Variants in TNR observed in about 807,000 individuals in gnomAD.
The protein encoded by TNR is tenascin-R.
A neutral mutation model predicts 150.4 loss-of-function variants in TNR; 45 were observed. The observed-to-expected ratio is 0.30, with a 90% confidence interval of 0.24 to 0.38. The LOEUF (loss-of-function observed/expected upper bound fraction) is 0.38. TNR is among the 10% of genes least tolerant of loss of function. TNR has a pLI of 1.00. For synonymous variants in TNR, 687 were observed against 678.4 expected, an observed-to-expected ratio of 1.01 and a Z score of -0.20; for missense variants, 1,544 against 1,759.1, an observed-to-expected ratio of 0.88 and a Z score of 2.19.
intron 1 of TNR, among the ~76,000 whole-genome samples, chr1:175,656,851 G>T (rs746604919): frequency 3.3e-5 from 5 of 152,182 alleles, no homozygotes; most frequent in Non-Finnish European, 5.9e-5. Context: ...TGTGCATGTT[G>T]TGTGTAAAAG....
chr1:175,673,756 G>A (rs1665774206), intron 1 of TNR, among the ~76,000 whole-genome samples: 1 of 152,250 alleles, frequency 6.6e-6, no homozygotes, highest in Non-Finnish European at 1.5e-5. Context: ...GTACGGGAGG[G>A]TAGAATTAGA....
intron 21 of TNR, among the ~76,000 whole-genome samples, chr1:175,329,483 G>T (rs889665040): frequency 6.6e-6 from 1 of 152,196 alleles, no homozygotes; most frequent in African/African-American, 2.4e-5. Context: ...GCGGAGGAAT[G>T]AAAAGAAACA....
intron 2 of TNR, among the ~76,000 whole-genome samples, chr1:175,414,035 A>C (rs1370539079): frequency 6.6e-6 from 1 of 152,146 alleles, no homozygotes. Context: ...TGGGAGGCTG[A>C]GGTGGGAAGG....
chr1:175,316,589 T>A lies in TNR; in HGVS notation c.*6768A>T, dbSNP rs569894288. 2.6e-5 allele frequency: 4 copies of A among 152,080 alleles called. No homozygotes were observed. Among genetic ancestry groups the A allele is most frequent in the Non-Finnish European group, 5.9e-5 (4 of 68,030 alleles). The allele number at this position is 152,080 out of a possible 1,614,324, so 9.4% of individuals were successfully genotyped here. On this transcript the variant is annotated 3_prime_UTR_variant, in exon 23 of 23. Coordinates refer to ENST00000367674, the MANE Select transcript of TNR (RefSeq NM_003285.3). The stretch of plus-strand genomic sequence containing the variant: ...ACATGTGCCATGTTTATTCTGTGGC[T>A]TCTCCTTCCTCAATCCTGGCTACAC...
chr1:175,417,075 G>GAAAGAAAGAAAGAAAGAAAGAAATAAAT lies in TNR; in HGVS notation c.-63-10299_-63-10298insATTTATTTCTTTCTTTCTTTCTTTCTTT, dbSNP rs754333098. On this transcript the variant is annotated intron_variant, in intron 2 of 22. Transcript: ENST00000367674. ...AGAAAGAAAGAAAGAAAGAAAGAAA[G>GAAAGAAAGAAAGAAAGAAAGAAATAAAT]AAATCTAAGAAGTGGTCTCTTCCCT... Among the ~76,000 whole-genome samples the GAAAGAAAGAAAGAAAGAAAGAAATAAAT allele has an allele frequency of 1.4e-3, 192 of 138,108 alleles. 2 individuals carry two copies. The highest frequency in any genetic ancestry group is 5.8e-3 in the East Asian group (25 of 4,286). 90.6% of individuals were successfully genotyped at this position (138,108 alleles called of 152,430 possible). A position where few individuals can be genotyped will look rare whatever the true frequency, so the allele number is the denominator to read the frequency against.
At position 175,406,598 on chromosome 1, in the gene TNR, C is replaced by A; in HGVS notation, c.117G>T (p.Arg39Ser). 4.3e-6 allele frequency: 7 copies of A among 1,614,174 alleles called. No individual in the cohort carries two copies. Among genetic ancestry groups the A allele is most frequent in the Non-Finnish European group, 5.9e-6 (7 of 1,180,038 alleles). ...CCTCCTCCACTGACTGTCTCTGGAC[C>A]CTTTCTGTGGTGACCTCCAGCTGAC... ...SECQLEVTTERVQRQSVEEEG... is the reference protein window; with the variant it reads ...SECQLEVTTESVQRQSVEEEG... The change falls in exon 3 of 23, where the codon AGG becomes AGT. Residue 39 changes from arginine (R) to serine (S), a missense_variant. Around this residue, in one of 2 missense-constraint regions of TNR, gnomAD observed 1,254 missense variants for 1,329.4 expected, o/e 0.94. Transcript: ENST00000367674.
intron 1 of TNR, among the ~76,000 whole-genome samples, chr1:175,692,701 G>A (rs139723337): frequency 6.6e-6 from 1 of 152,124 alleles, no homozygotes; most frequent in Admixed American, 6.5e-5. Flanking sequence ...GGAGAGGAAG[G>A]TCTCATGAAA....
rs370440485 is a variant in TNR at position 175,356,498 on chromosome 1, G to A, written c.2975-36C>T. Reference sequence around the variant, plus strand: ...ATGAATATGAATAAGGGTTGAATAAGGCTACTCAGTTTAGGAAAGATCTAC... The same window carrying A: ...ATGAATATGAATAAGGGTTGAATAAAGCTACTCAGTTTAGGAAAGATCTAC... On this transcript the variant is annotated intron_variant, in intron 15 of 22. Transcript: ENST00000367674. The A allele has an allele frequency of 2.3e-4, 363 of 1,611,238 alleles. 3 individuals are homozygous for A. The highest frequency in any genetic ancestry group is 1.9e-3 in the South Asian group (170 of 90,682).
At chr1:175,424,822 G>A (rs1320959690) in intron 2 of TNR, among the ~76,000 whole-genome samples, 1 of 152,140 alleles carries the variant, frequency 6.6e-6, no homozygotes, top group East Asian at 1.9e-4. Context: ...GTGGCCAAGT[G>A]TGAGTGGAGC....
chr1:175,597,916 G>C (rs972988241), intron 1 of TNR, among the ~76,000 whole-genome samples: 1 of 152,152 alleles, frequency 6.6e-6, no homozygotes, highest in Non-Finnish European at 1.5e-5. Context: ...AACAGAGAAG[G>C]GTTAGTGAAA....
intron 1 of TNR, among the ~76,000 whole-genome samples, chr1:175,691,045 CAA>C (rs1666354882): frequency 6.6e-6 from 1 of 152,122 alleles, no homozygotes. Flanking sequence ...CACAGGAAGT[CAA>C]GAGTTCTTTG....
At chr1:175,703,027 A>T (rs1213136183) in intron 1 of TNR, among the ~76,000 whole-genome samples, 2 of 151,948 alleles carry the variant, frequency 1.3e-5, no homozygotes, top group Admixed American at 1.3e-4. Flanking sequence ...TTCCATGAAA[A>T]TTTTTTAAAT....
intron 18 of TNR, among the ~76,000 whole-genome samples, chr1:175,342,575 G>A (rs1476018677): frequency 6.6e-6 from 1 of 152,220 alleles, no homozygotes; most frequent in Non-Finnish European, 1.5e-5. Context: ...TCAGTGCAAT[G>A]TGGAGAATGA....
intron 1 of TNR, among the ~76,000 whole-genome samples, chr1:175,666,550 C>T (rs1665537120): frequency 6.6e-6 from 1 of 152,178 alleles, no homozygotes; most frequent in Non-Finnish European, 1.5e-5. Flanking sequence ...CCGGTGCTCC[C>T]AGTATAATGC....
intron 1 of TNR, among the ~76,000 whole-genome samples, chr1:175,572,103 G>T (rs1274434584): frequency 1.3e-5 from 2 of 152,160 alleles, no homozygotes; most frequent in Non-Finnish European, 2.9e-5. Flanking sequence ...GGATTGGACA[G>T]GAACAAAGAT....
intron 1 of TNR, among the ~76,000 whole-genome samples, chr1:175,544,276 C>A (rs1255062896): frequency 6.6e-6 from 1 of 152,034 alleles, no homozygotes; most frequent in Non-Finnish European, 1.5e-5. Context: ...TAACTGATGG[C>A]TAAAATTCAA....
At chr1:175,417,036 A>AAAGG (rs1557920204) in intron 2 of TNR, among the ~76,000 whole-genome samples, 152 of 99,006 alleles carry the variant, frequency 1.5e-3, no homozygotes, top group Middle Eastern at 5.9e-3. Context: ...AGAAAGAAAG[A>AAAGG]AAGAAAGAAA....
intron 2 of TNR, among the ~76,000 whole-genome samples, chr1:175,418,595 G>T (rs902056230): frequency 6.6e-6 from 1 of 152,098 alleles, no homozygotes; most frequent in South Asian, 2.1e-4. Flanking sequence ...GGTGGCACAC[G>T]CCTGTAATCC....
intron 2 of TNR, among the ~76,000 whole-genome samples, chr1:175,500,445 G>A (rs1658684881): frequency 6.6e-6 from 1 of 152,200 alleles, no homozygotes; most frequent in Non-Finnish European, 1.5e-5. Context: ...CCAGGACCCT[G>A]TAATAGGCCC....
Sources: gnomAD v4.1 joint callset for allele counts (sites outside exome capture counted in the v4.1 genomes callset) on GRCh38, gnomAD v4.1.1 for gene constraint, gnomAD v4.1.1 regional missense constraint, MANE v1.5 for transcripts, NCBI Gene and HGNC (gene_info 2026-07-23, HGNC 2026-07-21) for gene names.